ST13: variants seen among roughly 807,000 people sequenced by gnomAD.
The protein encoded by ST13 is hsc70-interacting protein.
Under a neutral mutation model 56.7 loss-of-function variants are expected in ST13, and 23 were observed. The observed-to-expected ratio is 0.41, with a 90% CI of 0.29 to 0.57. The LOEUF is 0.57. Ranked by LOEUF, ST13 falls within the 20% of genes least tolerant of loss-of-function variation. The pLI is 0.36. For missense variants in ST13, 369 were observed against 459.9 expected, an observed-to-expected ratio of 0.80 and a Z score of 1.81; for synonymous variants, 132 against 142.4, an observed-to-expected ratio of 0.93 and a Z score of 0.52.
intron 2 of ST13, among the ~76,000 whole-genome samples, chr22:40,849,562 A>G (rs1792146818): frequency 6.6e-6 from 1 of 151,996 alleles, no homozygotes; most frequent in Admixed American, 6.6e-5. Context: ...TAAAATGTGC[A>G]AAGTCTAGGT....
At chr22:40,833,963 G>C (rs1451230861) in intron 7 of ST13, among the ~76,000 whole-genome samples, 1 of 152,114 alleles carries the variant, frequency 6.6e-6, no homozygotes, top group Non-Finnish European at 1.5e-5. Flanking sequence ...TATCTTGACT[G>C]TATATTTCAA....
Position 40,844,913 on chromosome 22 carries a change from C to A in ST13, c.245-4G>T. The A allele has an allele frequency of 3.7e-6, 6 of 1,610,616 alleles. No individual in the cohort carries two copies. Among genetic ancestry groups the A allele is most frequent in the Non-Finnish European group, 5.1e-6 (6 of 1,178,000 alleles). ...ATCACACCTTCTTTATCAATTTCTG[C>A]CAAAGTCGAGAAAATGACAATAAGA... is the stretch of plus-strand genomic sequence containing the variant. On this transcript the variant is annotated splice_polypyrimidine_tract_variant and splice_region_variant and intron_variant, in intron 3 of 11. Transcript: ENST00000216218.
intron 3 of ST13, among the ~76,000 whole-genome samples, chr22:40,845,497 A>G (rs2057826375): frequency 6.6e-6 from 1 of 152,178 alleles, no homozygotes; most frequent in Non-Finnish European, 1.5e-5. Context: ...AGTAGCATGG[A>G]CAAGTTTTAA....
chr22:40,832,937 G>A (rs1030932653), intron 7 of ST13, among the ~76,000 whole-genome samples: 1 of 152,140 alleles, frequency 6.6e-6, no homozygotes, highest in Non-Finnish European at 1.5e-5. Context: ...TCAGAATATC[G>A]TAATTTTCTA....
intron 5 of ST13, among the ~76,000 whole-genome samples, chr22:40,838,320 C>T (rs904836653): frequency 6.6e-6 from 1 of 152,158 alleles, no homozygotes; most frequent in Non-Finnish European, 1.5e-5. Flanking sequence ...CTTTAGAATA[C>T]ACTATACAAT....
At chr22:40,849,746 T>A (rs920460925) in intron 2 of ST13, among the ~76,000 whole-genome samples, 2 of 151,816 alleles carry the variant, frequency 1.3e-5, no homozygotes, top group African/African-American at 4.8e-5. Flanking sequence ...ATGGTCCTTT[T>A]AAAAAAAAGG....
At chr22:40,832,354 G>C (rs563270758) in intron 8 of ST13, 48 of 547,872 alleles carry the variant, frequency 8.8e-5, no homozygotes, top group South Asian at 8.1e-4. Context: ...TCCAAACAAA[G>C]TAACAGAGTT....
Position 40,850,899 on chromosome 22 carries a change from A to G in ST13, c.111-19T>C. On this transcript the variant is annotated intron_variant, in intron 1 of 11. Coordinates refer to ENST00000216218, the MANE Select transcript of ST13 (RefSeq NM_003932.5). ...ACCCATGCTTGAAGAAGATGAGAAA[A>G]AAGATATTTGTTTAGAAAATTAAAA... 1 of 1,575,932 alleles carries G rather than the reference A, an allele frequency of 6.3e-7. No individual in the cohort carries two copies.
At chr22:40,828,211 G>C (rs1349129355) in intron 10 of ST13, among the ~76,000 whole-genome samples, 1 of 152,062 alleles carries the variant, frequency 6.6e-6, no homozygotes, top group African/African-American at 2.4e-5. Flanking sequence ...TATTCTCTCA[G>C]TATAATTTGT....
At chr22:40,828,068 G>T (rs1405774254) in intron 10 of ST13, among the ~76,000 whole-genome samples, 1 of 152,044 alleles carries the variant, frequency 6.6e-6, no homozygotes, top group African/African-American at 2.4e-5. Flanking sequence ...ACCTTAAAAG[G>T]CTTATCTGTT....
At chr22:40,846,563 G>A (rs1030139115) in intron 3 of ST13, among the ~76,000 whole-genome samples, 9 of 152,034 alleles carry the variant, frequency 5.9e-5, no homozygotes, top group African/African-American at 1.9e-4. Context: ...GTGGAGAGTT[G>A]GTTAAAAAAT....
Position 40,835,645 on chromosome 22 carries a change from T to C in ST13, c.493A>G (p.Asn165Asp), listed in dbSNP as rs775041191. The C allele has an allele frequency of 1.2e-6, 2 of 1,613,886 alleles. No homozygotes were observed. The highest frequency in any genetic ancestry group is 1.7e-6 in the Non-Finnish European group (2 of 1,179,978). Residue 165 changes from asparagine (N) to aspartate (D), a missense_variant, in exon 7 of 12, where the codon AAT (asparagine) becomes GAT (aspartate). By Grantham distance (23) the Asn-to-Asp change is conservative. Around this residue, in one of 3 missense-constraint regions of ST13, gnomAD observed 64 missense variants for 125.1 expected, o/e 0.51. Coordinates refer to ENST00000216218, the MANE Select transcript of ST13 (RefSeq NM_003932.5). ...ASVFVKLQKP[N>D]AAIRDCDRAI... ...CTGTCACAGTCTCGGATGGCAGCATTTGGCTTCTGTAATTTGACGAAGACA... is the reference window on the plus strand; with the variant it reads ...CTGTCACAGTCTCGGATGGCAGCATCTGGCTTCTGTAATTTGACGAAGACA...
chr22:40,834,541 T>C (rs1482869945), intron 7 of ST13, among the ~76,000 whole-genome samples: 1 of 152,194 alleles, frequency 6.6e-6, no homozygotes, highest in Non-Finnish European at 1.5e-5. Flanking sequence ...AAGAATTTTT[T>C]CCCTAAATTC....
chr22:40,838,837 G>C (rs555159333), intron 5 of ST13, among the ~76,000 whole-genome samples: 2 of 151,664 alleles, frequency 1.3e-5, no homozygotes, highest in East Asian at 3.9e-4. Context: ...CAATGGCTGG[G>C]AACAACTGAT....
intron 9 of ST13, 105 bp downstream of exon 9, chr22:40,830,735 T>C (rs2057750032): frequency 3.0e-6 from 2 of 663,424 alleles, no homozygotes; most frequent in Non-Finnish European, 2.6e-6. Flanking sequence ...TATAGAACTG[T>C]AGCCAGCATT....
intron 9 of ST13, 64 bp from the exon 10 acceptor site, chr22:40,829,738 G>A (rs2057745412): frequency 2.3e-6 from 2 of 857,200 alleles, no homozygotes; most frequent in Non-Finnish European, 3.4e-6. Flanking sequence ...CATGCAACCT[G>A]TCCATGCAAG....
intron 1 of ST13, among the ~76,000 whole-genome samples, chr22:40,851,745 GTTCT>G (rs1458646869): frequency 2.7e-5 from 4 of 150,254 alleles, no homozygotes; most frequent in Middle Eastern, 3.4e-3. Flanking sequence ...AACAGAAAGG[GTTCT>G]TTTTTTTTTT....
chr22:40,843,950 T>G (rs2057817954), intron 4 of ST13, among the ~76,000 whole-genome samples: 1 of 151,530 alleles, frequency 6.6e-6, no homozygotes, highest in South Asian at 2.1e-4. Context: ...GGGTGCGATC[T>G]CACCTCACTG....
chr22:40,852,062 T>C (rs2057864256), intron 1 of ST13, among the ~76,000 whole-genome samples: 1 of 152,156 alleles, frequency 6.6e-6, no homozygotes, highest in Non-Finnish European at 1.5e-5. Flanking sequence ...GTAACTAGAG[T>C]TGTCATATCC....
Sources: gnomAD v4.1 joint callset for allele counts (sites outside exome capture counted in the v4.1 genomes callset) on GRCh38, gnomAD v4.1.1 for gene constraint, gnomAD v4.1.1 regional missense constraint, MANE v1.5 for transcripts, NCBI Gene and HGNC (gene_info 2026-07-23, HGNC 2026-07-21) for gene names.